QTMAN: variants seen among roughly 807,000 people sequenced by gnomAD.
QTMAN encodes queuosine-tRNA mannosyltransferase, also known as tRNA-queuosine alpha-mannosyltransferase.
the QTMAN span, among the ~76,000 whole-genome samples, chr2:144,232,040 A>C: frequency 6.6e-6 from 1 of 152,246 alleles, no homozygotes; most frequent in Middle Eastern, 3.4e-3. Flanking sequence ...TGTTGACCTA[A>C]AGATTTAATT....
chr2:143,957,184 A>G, the QTMAN span: 13 of 1,578,406 alleles, frequency 8.2e-6, no homozygotes, highest in East Asian at 2.9e-4. Context: ...TCACAAACAG[A>G]AAGAACTTAC....
chr2:144,008,942 G>C, the QTMAN span, among the ~76,000 whole-genome samples: 3 of 151,998 alleles, frequency 2.0e-5, no homozygotes, highest in Non-Finnish European at 4.4e-5. Flanking sequence ...ATGAAAGAGA[G>C]AGGCAGAGAA....
At chr2:143,968,432 A>T in the QTMAN span, among the ~76,000 whole-genome samples, 1 of 152,082 alleles carries the variant, frequency 6.6e-6, no homozygotes, top group Non-Finnish European at 1.5e-5. Context: ...ATAATTACTC[A>T]CCTGTAATTA....
the QTMAN span, among the ~76,000 whole-genome samples, chr2:144,029,917 AGTGT>A: frequency 6.6e-6 from 1 of 151,812 alleles, no homozygotes; most frequent in Admixed American, 6.6e-5. Flanking sequence ...CGTGAGTGTG[AGTGT>A]GTGTGTACCC....
the QTMAN span, chr2:144,006,926 A>G: frequency 5.9e-6 from 2 of 341,016 alleles, no homozygotes; most frequent in Non-Finnish European, 1.1e-5. Flanking sequence ...TTGATATGCT[A>G]GAAGTGCCTA....
At chr2:144,072,377 G>A in the QTMAN span, among the ~76,000 whole-genome samples, 1 of 152,116 alleles carries the variant, frequency 6.6e-6, no homozygotes, top group Non-Finnish European at 1.5e-5. Context: ...TTTCTTACCA[G>A]CACAATTCAA....
the QTMAN span, among the ~76,000 whole-genome samples, chr2:144,308,452 A>G: frequency 6.6e-4 from 100 of 152,086 alleles, no homozygotes; most frequent in African/African-American, 2.3e-3. Flanking sequence ...GGCGTGAGCC[A>G]CCATGCCTGG....
the QTMAN span, among the ~76,000 whole-genome samples, chr2:144,060,149 T>TA: frequency 1.2e-4 from 17 of 145,460 alleles, no homozygotes; most frequent in African/African-American, 2.0e-4. Flanking sequence ...TTGGCTCCAC[T>TA]AAAAAAAAAA....
At chr2:144,260,883 TA>T in the QTMAN span, among the ~76,000 whole-genome samples, 26 of 147,554 alleles carry the variant, frequency 1.8e-4, no homozygotes, top group East Asian at 2.6e-3. Flanking sequence ...ATATAAGATT[TA>T]AAAAAAAAAG....
chr2:144,136,808 T>C, the QTMAN span, among the ~76,000 whole-genome samples: 3 of 152,144 alleles, frequency 2.0e-5, no homozygotes, highest in South Asian at 4.1e-4. Flanking sequence ...TAACACAAAA[T>C]AGTCTTTTGC....
the QTMAN span, among the ~76,000 whole-genome samples, chr2:144,107,350 A>G: frequency 6.6e-6 from 1 of 152,214 alleles, no homozygotes; most frequent in Non-Finnish European, 1.5e-5. Context: ...CAAAATTGAT[A>G]TACTGCTAGC....
chr2:144,174,031 A>T, the QTMAN span, among the ~76,000 whole-genome samples: 1 of 152,116 alleles, frequency 6.6e-6, no homozygotes, highest in Non-Finnish European at 1.5e-5. Flanking sequence ...CAGAACCATG[A>T]CCCAAATAAA....
chr2:143,940,923 T>A, the QTMAN span: 1 of 152,260 alleles, frequency 6.6e-6, no homozygotes, highest in Non-Finnish European at 1.5e-5. Context: ...CCTCTCCTTA[T>A]GGTCATTGAG....
chr2:144,144,817 T>C, the QTMAN span, among the ~76,000 whole-genome samples: 54 of 152,096 alleles, frequency 3.6e-4, no homozygotes, highest in Admixed American at 1.5e-3. Context: ...CAGTTGCTAA[T>C]AGCTGTTAAT....
chr2:144,243,509 G>T, the QTMAN span, among the ~76,000 whole-genome samples: 14 of 152,276 alleles, frequency 9.2e-5, no homozygotes, highest in East Asian at 2.5e-3. Flanking sequence ...TTAAGAAACA[G>T]TAATGAAACT....
the QTMAN span, among the ~76,000 whole-genome samples, chr2:143,981,787 C>A: frequency 6.6e-6 from 1 of 152,174 alleles, no homozygotes; most frequent in Non-Finnish European, 1.5e-5. Flanking sequence ...TATGGAATGT[C>A]TGTTCTATAA....
At chr2:144,084,605 A>G in the QTMAN span, among the ~76,000 whole-genome samples, 1 of 152,224 alleles carries the variant, frequency 6.6e-6, no homozygotes, top group Non-Finnish European at 1.5e-5. Flanking sequence ...CTCAGATTTT[A>G]CAACTATTTC....
the QTMAN span, among the ~76,000 whole-genome samples, chr2:144,102,293 G>C: frequency 1.1e-4 from 17 of 152,314 alleles, 1 homozygote; most frequent in African/African-American, 4.1e-4. Context: ...CTATTACGAA[G>C]TTGGTTTGTG....
At chr2:144,082,889 C>T in the QTMAN span, among the ~76,000 whole-genome samples, 475 of 152,098 alleles carry the variant, frequency 3.1e-3, 4 homozygotes, top group African/African-American at 0.011. Context: ...AAAATACACA[C>T]GCACACACAC....
Sources: gnomAD v4.1 joint callset for allele counts (sites outside exome capture counted in the v4.1 genomes callset) on GRCh38, gnomAD v4.1.1 for gene constraint, MANE v1.5 for transcripts, NCBI Gene and HGNC (gene_info 2026-07-23, HGNC 2026-07-21) for gene names.